FN1: variants seen among roughly 807,000 people sequenced by gnomAD.
The protein encoded by FN1 is fibronectin 1, also known as fibronectin.
Under a neutral mutation model 297.3 loss-of-function variants are expected in FN1, and 106 were observed. That is an observed-to-expected ratio of 0.36 (90% CI 0.30 to 0.42). FN1 has a LOEUF of 0.42. Ranked by LOEUF, FN1 falls within the 10% of genes least tolerant of loss-of-function variation. The probability of loss-of-function intolerance (pLI) is 1.00; values close to 1 mark genes in which losing one functional copy is unlikely to be tolerated. For missense variants in FN1, 2,690 were observed against 3,124.9 expected (o/e 0.86, Z 3.32); for synonymous variants, 1,149 against 1,152.6 (o/e 1.00, Z 0.06).
In FN1 at chr2:215,391,772, G is replaced by A. The variant is rs1324389791; in HGVS notation, c.4112C>T (p.Pro1371Leu). ...AGCCCAGGTGACACGCATGGTGTCTGGACCAATGTTGGTGAATCGCAGGTC... is the reference window on the plus strand; with the variant it reads ...AGCCCAGGTGACACGCATGGTGTCTAGACCAATGTTGGTGAATCGCAGGTC... ...PTDLRFTNIG[P>L]DTMRVTWAPP... Residue 1371 changes from proline to leucine, a missense_variant, in exon 26 of 46, where the codon CCA (proline) becomes CTA (leucine). Around this residue, in one of 3 missense-constraint regions of FN1, gnomAD observed 1,743 missense variants for 1,945.2 expected, o/e 0.90. Coordinates refer to ENST00000354785, the MANE Select transcript of FN1 (RefSeq NM_212482.4). 1.2e-6 allele frequency: 2 copies of A among 1,614,036 alleles called. No homozygotes were observed. Among genetic ancestry groups the A allele is most frequent in the Non-Finnish European group, 1.7e-6 (2 of 1,180,018 alleles).
chr2:215,414,897 G>A lies in FN1; in HGVS notation c.1881C>T (p.Pro627=). 6.2e-7 allele frequency: 1 copy of A among 1,613,760 alleles called. No individual in the cohort carries two copies. Among genetic ancestry groups the A allele is most frequent in the South Asian group, 1.1e-5 (1 of 91,058 alleles). The change falls in exon 13 of 46, where the codon CCC becomes CCT. Residue 627 remains proline, a synonymous_variant. Transcript: ENST00000354785. ...TETPSQPNSH[P]IQWNAPQPSH... ...ATGGCTGTGGTGCATTCCACTGGAT[G>A]GGGTGGGAGTTGGGCTGACTCGGAG...
intron 26 of FN1, among the ~76,000 whole-genome samples, chr2:215,388,573 G>A (rs2059318246): frequency 6.6e-6 from 1 of 152,196 alleles, no homozygotes; most frequent in Non-Finnish European, 1.5e-5. Context: ...GTGGGATGAA[G>A]TTGCTGCAAC....
rs2056349083 is a variant in FN1 at position 215,372,186 on chromosome 2, T to C, written c.6437A>G (p.His2146Arg). Residue 2146 changes from histidine (H) to arginine (R), a missense_variant, in exon 40 of 46, where the codon CAT becomes CGT. Transcript: ENST00000354785. ...GGGCGGTGTGGTCCGCCTAAAACCA[T>C]GTTCCTCAAAGATCATTTGTTGCCC... The part of the protein sequence containing the change: ...SVGQQMIFEE[H>R]GFRRTTPPTT... 1 of 1,614,096 alleles carries C rather than the reference T, an allele frequency of 6.2e-7. No homozygotes were observed. Among genetic ancestry groups the C allele is most frequent in the Non-Finnish European group, 8.5e-7 (1 of 1,180,050 alleles).
chr2:215,399,435 A>G (rs1428309425), intron 20 of FN1, 84 bp from the exon 21 acceptor site: 2 of 943,590 alleles, frequency 2.1e-6, no homozygotes, highest in Non-Finnish European at 3.5e-6. Context: ...ATTTTTATGG[A>G]GAACCTCAGT....
intron 31 of FN1, among the ~76,000 whole-genome samples, chr2:215,382,920 A>G (rs1197796164): frequency 6.6e-6 from 1 of 152,214 alleles, no homozygotes; most frequent in Non-Finnish European, 1.5e-5. Flanking sequence ...TAGTACTCAC[A>G]ACAAGGTAGC....
At position 215,393,204 on chromosome 2, in the gene FN1, C is replaced by A; in HGVS notation, c.3797-1G>T. ...CTTAGGTCAGTGAGTTGGGGCACCT[C>A]TATTGAGTTACAAAGCAAAGGGAGG... On this transcript the variant is annotated splice_acceptor_variant, in intron 24 of 45. Transcript: ENST00000354785. LOFTEE classifies it high-confidence loss of function. 1 of 1,611,978 alleles carries A rather than the reference C, an allele frequency of 6.2e-7. No homozygotes were observed. The highest frequency in any genetic ancestry group is 8.5e-7 in the Non-Finnish European group (1 of 1,179,128).
intron 13 of FN1, among the ~76,000 whole-genome samples, chr2:215,412,463 G>A (rs994513510): frequency 6.6e-6 from 1 of 152,050 alleles, no homozygotes; most frequent in Non-Finnish European, 1.5e-5. Flanking sequence ...TTGACACAGG[G>A]TCTTTCTCTG....
At chr2:215,421,151 A>G (rs2064274201) in intron 10 of FN1, 2 of 334,782 alleles carry the variant, frequency 6.0e-6, no homozygotes, top group Non-Finnish European at 1.2e-5. Context: ...TCCTTTAAAT[A>G]TCTGCTTGTT....
At chr2:215,378,041 C>T (rs986931600) in intron 35 of FN1, 134 bp downstream of exon 35, 3 of 702,942 alleles carry the variant, frequency 4.3e-6, no homozygotes, top group Non-Finnish European at 7.8e-6. Flanking sequence ...CTCCTGGCCT[C>T]AAGTGACGCT....
At chr2:215,407,093 G>T (rs201534455) in intron 18 of FN1, 34 bp downstream of exon 18, 22 of 1,523,612 alleles carry the variant, frequency 1.4e-5, no homozygotes, top group Non-Finnish European at 1.8e-5. Context: ...ATCCTGATAA[G>T]ATAACATAGG....
intron 13 of FN1, 36 bp downstream of exon 13, chr2:215,414,796 TAGGAG>T (rs1408824968): frequency 6.2e-7 from 1 of 1,613,264 alleles, no homozygotes; most frequent in Non-Finnish European, 8.5e-7. Context: ...TTGATAAGAT[TAGGAG>T]ACTCAGTATC....
At position 215,407,191 on chromosome 2, in the gene FN1, C is replaced by T; in HGVS notation, c.2649G>A (p.Val883=). The change falls in exon 18 of 46, where the codon GTG becomes GTA. Residue 883 remains valine (V), a synonymous_variant. Coordinates refer to ENST00000354785, the MANE Select transcript of FN1 (RefSeq NM_212482.4). ...GVQYNITIYA[V]EENQESTPVV... Reference sequence around the variant, plus strand: ...CAGGTGTACTTTCTTGATTTTCTTCCACAGCATAGATAGTGATGTTATACT... The same window carrying T: ...CAGGTGTACTTTCTTGATTTTCTTCTACAGCATAGATAGTGATGTTATACT... 6.2e-7 allele frequency: 1 copy of T among 1,614,014 alleles called. No homozygotes were observed. Among genetic ancestry groups the T allele is most frequent in the Non-Finnish European group, 8.5e-7 (1 of 1,179,928 alleles).
rs2062355120 is a variant in FN1 at position 215,409,951 on chromosome 2, G to A, written c.2105C>T (p.Thr702Ile). 1 of 1,613,722 alleles carries A rather than the reference G, an allele frequency of 6.2e-7. No individual in the cohort carries two copies. Among genetic ancestry groups the A allele is most frequent in the Admixed American group, 1.7e-5 (1 of 59,986 alleles). Residue 702 changes from threonine to isoleucine, a missense_variant, in exon 14 of 46, where the codon ACC becomes ATC. Transcript: ENST00000354785. The part of the protein sequence containing the change: ...VTRFDFTTTS[T>I]STPVTSNTVT... ...GTACATACTGGTCACAGGTGTGCTG[G>A]TGCTGGTGGTGGTGAAGTCAAAGCG...
chr2:215,434,583 C>T (rs941415947), intron 2 of FN1, 113 bp downstream of exon 2: 1 of 1,246,752 alleles, frequency 8.0e-7, no homozygotes, highest in Admixed American at 1.7e-5. Flanking sequence ...GAGGAAATGA[C>T]AGGTAATTCT....
intron 20 of FN1, among the ~76,000 whole-genome samples, chr2:215,401,943 G>C (rs1346195553): frequency 6.6e-6 from 1 of 151,820 alleles, no homozygotes; most frequent in Non-Finnish European, 1.5e-5. Flanking sequence ...TGTTTGGTGG[G>C]GGGTGGGGGG....
intron 12 of FN1, 92 bp downstream of exon 12, chr2:215,419,150 C>G: frequency 9.2e-7 from 1 of 1,088,496 alleles, no homozygotes; most frequent in South Asian, 1.3e-5. Flanking sequence ...AGAGGGGAGA[C>G]CCCCAACTTA....
rs2066583083 is a variant in FN1 at position 215,431,894 on chromosome 2, A to G, written c.486T>C (p.Gly162=). The change falls in exon 4 of 46, where the codon GGT becomes GGC. Residue 162 remains glycine, a synonymous_variant. Transcript: ENST00000354785. ...CAAGACACACACACTCTAACATGTA[A>G]CCACCAGTCTCATGTGGTCTCCTCC... ...DTWRRPHETG[G]YMLECVCLGN... 1 of 1,614,108 alleles carries G rather than the reference A, an allele frequency of 6.2e-7. No homozygotes were observed. Among genetic ancestry groups the G allele is most frequent in the Non-Finnish European group, 8.5e-7 (1 of 1,179,984 alleles).
intron 11 of FN1, among the ~76,000 whole-genome samples, chr2:215,419,956 G>A (rs1333234809): frequency 6.6e-6 from 1 of 152,156 alleles, no homozygotes. Flanking sequence ...TTTTGGTAAA[G>A]AAATAGTAAT....
Position 215,372,384 on chromosome 2 carries a change from G to T in FN1, c.6248-9C>A, listed in dbSNP as rs538256150. ...CAGTTGGGGAAGCTCGTCTAGCCGA[G>T]AGAGGTTAGAGCCAAAAAAGCAAAG... On this transcript the variant is annotated splice_polypyrimidine_tract_variant and intron_variant, in intron 39 of 45. Coordinates refer to ENST00000354785, the MANE Select transcript of FN1 (RefSeq NM_212482.4). 1.9e-6 allele frequency: 3 copies of T among 1,610,666 alleles called. No individual in the cohort carries two copies. The highest frequency in any genetic ancestry group is 2.2e-5 in the East Asian group (1 of 44,864).
Sources: gnomAD v4.1 joint callset for allele counts (sites outside exome capture counted in the v4.1 genomes callset) on GRCh38, gnomAD v4.1.1 for gene constraint, gnomAD v4.1.1 regional missense constraint, MANE v1.5 for transcripts, NCBI Gene and HGNC (gene_info 2026-07-23, HGNC 2026-07-21) for gene names.